The following NUDT1 variants were observed in gnomAD, a reference collection of about 807,000 sequenced individuals.
NUDT1 encodes oxidized purine nucleoside triphosphate hydrolase.
NUDT1 carries 16 observed loss-of-function variants against 11.3 expected under a neutral mutation model. That is an observed-to-expected ratio of 1.41 (90% confidence interval 0.96 to 2.15). The LOEUF is 2.15. Ranked by LOEUF, NUDT1 falls within the 30% of genes most tolerant of loss-of-function variation. The pLI, the probability that NUDT1 is intolerant of heterozygous loss-of-function variation, is 0.00. For synonymous variants in NUDT1, 101 were observed against 84.4 expected (o/e 1.20, Z -1.08); for missense variants, 234 against 208.4 (o/e 1.12, Z -0.76).
intron 2 of NUDT1, among the ~76,000 whole-genome samples, chr7:2,245,235 C>T (rs531141644): frequency 1.3e-5 from 2 of 152,178 alleles, no homozygotes; most frequent in African/African-American, 2.4e-5. Context: ...AGCCGTTTAC[C>T]CAAGATCACA....
intron 1 of NUDT1, 137 bp from the exon 2 acceptor site, chr7:2,244,426 G>A (rs1274303867): frequency 1.8e-5 from 15 of 831,196 alleles, no homozygotes; most frequent in South Asian, 1.0e-4. Context: ...GAAGCCACAC[G>A]TGGCAGGGCT....
chr7:2,243,359 C>T (rs1794632928), intron 1 of NUDT1, among the ~76,000 whole-genome samples: 3 of 152,240 alleles, frequency 2.0e-5, no homozygotes, highest in African/African-American at 7.2e-5. Context: ...CCACGCCCTC[C>T]TCTACCCAGC....
chr7:2,243,097 G>A (rs1176672340), intron 1 of NUDT1: 1 of 692,764 alleles, frequency 1.4e-6, no homozygotes, highest in Non-Finnish European at 2.7e-6. Flanking sequence ...GCTCTCCTCT[G>A]ACCGCCCCTG....
intron 1 of NUDT1, chr7:2,242,494 A>C: frequency 2.3e-6 from 1 of 434,922 alleles, no homozygotes; most frequent in Non-Finnish European, 4.1e-6. Context: ...GACCAGGAGT[A>C]AATCACAAAA....
rs140145791 is a variant in NUDT1, at chr7:2,249,927, G to A, written c.223G>A (p.Val75Met). ...GGTGGGCCAGATCGTGTTTGAGTTC[G>A]TGGGCGAGCCTGAGCTCATGGACGT... Reference protein sequence around the residue: ...HKVGQIVFEFVGEPELMDVHV... With the variant: ...HKVGQIVFEFMGEPELMDVHV... The change falls in exon 3 of 4, where the codon GTG (valine) becomes ATG (methionine). Residue 75 changes from valine (V) to methionine (M), a missense_variant. Physicochemically the swap from Val to Met is conservative, Grantham distance 21 (BLOSUM62 1). Transcript: ENST00000356714. The A allele has an allele frequency of 3.8e-5, 62 of 1,614,088 alleles. No individual in the cohort carries two copies. Among genetic ancestry groups the A allele is most frequent in the African/African-American group, 2.3e-4 (17 of 74,956 alleles).
At chr7:2,247,321 G>A (rs756865952) in intron 2 of NUDT1, among the ~76,000 whole-genome samples, 1 of 152,224 alleles carries the variant, frequency 6.6e-6, no homozygotes, top group African/African-American at 2.4e-5. Context: ...CACCCTCCCC[G>A]CTTGCCTGCA....
intron 2 of NUDT1, among the ~76,000 whole-genome samples, chr7:2,247,347 C>T (rs531463626): frequency 6.6e-6 from 1 of 152,320 alleles, no homozygotes; most frequent in South Asian, 2.1e-4. Context: ...CAGGCCTGAG[C>T]GCCTAACCCC....
At chr7:2,249,650 A>G in intron 2 of NUDT1, 1 of 639,436 alleles carries the variant, frequency 1.6e-6, no homozygotes, top group Non-Finnish European at 2.7e-6. Flanking sequence ...CTCAACCAAA[A>G]TCAGTGTCTT....
At position 2,244,723 on chromosome 7, in the gene NUDT1, G is replaced by A. The variant is rs200539102; in HGVS notation, c.149G>A (p.Arg50Lys). ...QEGETIEDGA[R>K]RELQEESGLT... ...GGAGAGACCATCGAGGATGGGGCTA[G>A]GAGGTAAGGATGGGGCAGGTCTGGC... The change falls in exon 2 of 4, where the codon AGG (arginine) becomes AAG (lysine). Residue 50 changes from arginine to lysine, a missense_variant. By Grantham distance (26) the Arg-to-Lys change is conservative (BLOSUM62 2). Coordinates refer to ENST00000356714, the MANE Select transcript of NUDT1 (RefSeq NM_002452.4). 1.2e-6 allele frequency: 2 copies of A among 1,608,734 alleles called. No homozygotes were observed. The highest frequency in any genetic ancestry group is 2.2e-5 in the East Asian group (1 of 44,706).
Sources: allele counts gnomAD v4.1 joint callset (sites outside exome capture counted in the v4.1 genomes callset), GRCh38; gene constraint gnomAD v4.1.1; transcripts MANE v1.5; gene names NCBI Gene and HGNC (gene_info 2026-07-23, HGNC 2026-07-21).